GP2: variants seen among roughly 807,000 people sequenced by gnomAD.
The protein encoded by GP2 is pancreatic secretory granule membrane major glycoprotein GP2.
A neutral mutation model predicts 60.8 loss-of-function variants in GP2; 58 were observed. That is an observed-to-expected ratio of 0.95 (90% CI 0.77 to 1.19). GP2 has a LOEUF of 1.19. GP2 is among the 50% of genes most tolerant of loss of function. GP2 has a pLI of 0.00. For synonymous variants in GP2, 280 were observed against 253.4 expected, an observed-to-expected ratio of 1.10 and a Z score of -1.00; for missense variants, 647 against 667.4, an observed-to-expected ratio of 0.97 and a Z score of 0.34.
At chr16:20,316,871 C>A (rs575586115) in intron 8 of GP2, among the ~76,000 whole-genome samples, 2 of 151,244 alleles carry the variant, frequency 1.3e-5, no homozygotes, top group African/African-American at 4.9e-5. Flanking sequence ...CTCCATCACT[C>A]CTGTATTCCT....
intron 1 of GP2, 95 bp from the exon 2 acceptor site, chr16:20,326,562 T>C (rs4632135): frequency 0.041 from 41,840 of 1,008,664 alleles, 2,752 homozygotes; most frequent in African/African-American, 0.26. Flanking sequence ...CTGCATTGTT[T>C]CAAAGTAGGT....
Position 20,315,968 on chromosome 16 carries a change from T to C in GP2, c.1489A>G (p.Ile497Val), listed in dbSNP as rs1282796153. The C allele has an allele frequency of 6.8e-6, 11 of 1,610,400 alleles. No homozygotes were observed. The highest frequency in any genetic ancestry group is 1.7e-5 in the Admixed American group (1 of 59,996). The change falls in exon 9 of 11, where the codon ATC becomes GTC. Residue 497 changes from isoleucine to valine, a missense_variant. By Grantham distance (29) the Ile-to-Val change is conservative. Transcript: ENST00000302555. ...TTTGGCCACTTACCTCTCCGAGTGA[T>C]GGGCCCCAAATCTAGAACCCGGGCT... is the stretch of plus-strand genomic sequence containing the variant. ...DLARVLDLGPITRRGAQSPGV... is the reference protein window; with the variant it reads ...DLARVLDLGPVTRRGAQSPGV...
intron 5 of GP2, among the ~76,000 whole-genome samples, 194 bp from the exon 6 acceptor site, chr16:20,319,962 C>G (rs1964301730): frequency 2.0e-5 from 3 of 152,004 alleles, no homozygotes; most frequent in Admixed American, 2.0e-4. Context: ...GGAAACCAGG[C>G]AAAAAACTAG....
intron 9 of GP2, 69 bp from the exon 10 acceptor site, chr16:20,314,770 A>C: frequency 9.5e-7 from 1 of 1,054,548 alleles, no homozygotes; most frequent in Non-Finnish European, 1.5e-6. Context: ...TGTGGCCATA[A>C]CTGCTTCACA....
Position 20,322,912 on chromosome 16 carries a change from G to A in GP2, c.603C>T (p.Asn201=). 6.2e-7 allele frequency: 1 copy of A among 1,612,718 alleles called. No homozygotes were observed. Among genetic ancestry groups the A allele is most frequent in the Non-Finnish European group, 8.5e-7 (1 of 1,178,746 alleles). ...CRPEEECLAL[N]STWGCFCRQD... ...GTCTGCAGAAACAGCCCCAGGTGCT[G>A]TTGAGGGCAAGGCACTCCTCCTCGG... Residue 201 remains asparagine, a synonymous_variant, in exon 4 of 11, where the codon AAC becomes AAT. Transcript: ENST00000302555.
In GP2 at chr16:20,314,663, T is replaced by C. The variant is rs1964102556; in HGVS notation, c.1540A>G (p.Thr514Ala). The change falls in exon 10 of 11, where the codon ACT becomes GCT. Residue 514 changes from threonine to alanine, a missense_variant. Coordinates refer to ENST00000302555, the MANE Select transcript of GP2 (RefSeq NM_001502.4). Reference protein sequence around the residue: ...SPGVMNGTPSTAGFLVAWPMV... With the variant: ...SPGVMNGTPSAAGFLVAWPMV... ...GCATGAGAAAATGATGTACCTGCAG[T>C]GCTAGGGGTTCCATTCATGACACCG... The C allele has an allele frequency of 1.3e-6, 2 of 1,596,754 alleles. No homozygotes were observed. The highest frequency in any genetic ancestry group is 1.7e-6 in the Non-Finnish European group (2 of 1,164,242).
At chr16:20,326,090 T>C (rs1444982836) in intron 2 of GP2, among the ~76,000 whole-genome samples, 1 of 152,248 alleles carries the variant, frequency 6.6e-6, no homozygotes, top group Non-Finnish European at 1.5e-5. Context: ...CTCCCAAAGA[T>C]ATGGGCATGG....
At chr16:20,317,445 G>A in intron 7 of GP2, 70 bp from the exon 8 acceptor site, 1 of 1,205,152 alleles carries the variant, frequency 8.3e-7, no homozygotes, top group African/African-American at 1.5e-5. Context: ...GAGTCCCTCG[G>A]GTTCCCTCCA....
chr16:20,318,330 C>T lies in GP2; in HGVS notation c.1108G>A (p.Glu370Lys). Residue 370 changes from glutamate (E) to lysine (K), a missense_variant, in exon 7 of 11, where the codon GAA becomes AAA. Physicochemically the swap from Glu to Lys is moderately conservative, Grantham distance 56 (BLOSUM62 1). Coordinates refer to ENST00000302555, the MANE Select transcript of GP2 (RefSeq NM_001502.4). Reference sequence around the variant, plus strand: ...TACAGCACGGACTCAACAGACAGTTCAACTGCATCCCCTTCGTAAGGATTC... The same window carrying T: ...TACAGCACGGACTCAACAGACAGTTTAACTGCATCCCCTTCGTAAGGATTC... Reference protein sequence around the residue: ...YTNPYEGDAVELSVESVLYVG... With the variant: ...YTNPYEGDAVKLSVESVLYVG... 3 of 1,613,810 alleles carry T rather than the reference C, an allele frequency of 1.9e-6. No homozygotes were observed. Among genetic ancestry groups the T allele is most frequent in the South Asian group, 2.2e-5 (2 of 91,082 alleles).
chr16:20,322,078 C>CA (rs1412546991), intron 4 of GP2, among the ~76,000 whole-genome samples: 2 of 152,198 alleles, frequency 1.3e-5, no homozygotes, highest in African/African-American at 4.8e-5. Flanking sequence ...TTCTGCTGGG[C>CA]ACATCTAAGC....
chr16:20,320,589 G>A (rs1236402517), intron 4 of GP2, 116 bp from the exon 5 acceptor site: 2 of 723,516 alleles, frequency 2.8e-6, no homozygotes, highest in African/African-American at 1.8e-5. Flanking sequence ...AGGTCCCTGG[G>A]ATCCAGATGG....
At chr16:20,317,760 T>C (rs753582252) in intron 7 of GP2, among the ~76,000 whole-genome samples, 32 of 152,310 alleles carry the variant, frequency 2.1e-4, no homozygotes, top group Middle Eastern at 6.8e-3. Flanking sequence ...ATGACAAATA[T>C]TAGCTAGGAT....
At chr16:20,321,705 A>T (rs1964361242) in intron 4 of GP2, among the ~76,000 whole-genome samples, 1 of 152,198 alleles carries the variant, frequency 6.6e-6, no homozygotes, top group Non-Finnish European at 1.5e-5. Flanking sequence ...GTGGAATTTC[A>T]GAGTTCAGAG....
In GP2 at chr16:20,317,316, C is replaced by T; in HGVS notation, c.1313G>A (p.Ser438Asn). The T allele has an allele frequency of 6.2e-7, 1 of 1,613,774 alleles. No homozygotes were observed. Among genetic ancestry groups the T allele is most frequent in the Non-Finnish European group, 8.5e-7 (1 of 1,179,664 alleles). ...CATGAACATCTGAACTGAGAACCGG[C>T]TTTCCGAGGACTGCCCATTCTCCTC... Reference protein sequence around the residue: ...HVEENGQSSESRFSVQMFMFA... With the variant: ...HVEENGQSSENRFSVQMFMFA... The change falls in exon 8 of 11, where the codon AGC (serine) becomes AAC (asparagine). Residue 438 changes from serine (S) to asparagine (N), a missense_variant. Transcript: ENST00000302555.
intron 4 of GP2, among the ~76,000 whole-genome samples, chr16:20,322,563 A>G (rs2141607097): frequency 6.6e-6 from 1 of 152,244 alleles, no homozygotes; most frequent in African/African-American, 2.4e-5. Context: ...CTATGAAAAC[A>G]TAGCTCCTAC....
In GP2 at chr16:20,311,102, C is replaced by G; in HGVS notation, c.*121G>C. On this transcript the variant is annotated 3_prime_UTR_variant, in exon 11 of 11. Coordinates refer to ENST00000302555, the MANE Select transcript of GP2 (RefSeq NM_001502.4). ...AAGCTCTTCCCTTTTCCTAACCTAG[C>G]TTGGCCTTGATTCTATTAATACCAA... is the stretch of plus-strand genomic sequence containing the variant. 1.5e-6 allele frequency: 1 copy of G among 681,684 alleles called. No individual in the cohort carries two copies. Among genetic ancestry groups the G allele is most frequent in the Non-Finnish European group, 2.7e-6 (1 of 374,138 alleles). The allele number at this position is 681,684 out of a possible 1,614,324, so 42.2% of individuals were successfully genotyped here.
intron 5 of GP2, 28 bp from the exon 6 acceptor site, chr16:20,319,796 A>G: frequency 6.3e-7 from 1 of 1,587,642 alleles, no homozygotes; most frequent in Middle Eastern, 1.7e-4. Flanking sequence ...AACCATACAG[A>G]TGTTTATGTG....
rs1964534985 is a variant in GP2 at position 20,326,374 on chromosome 16, A to G, written c.58T>C (p.Ser20Pro). The G allele has an allele frequency of 6.2e-7, 1 of 1,613,818 alleles. No individual in the cohort carries two copies. Among genetic ancestry groups the G allele is most frequent in the East Asian group, 2.2e-5 (1 of 44,874 alleles). Residue 20 changes from serine to proline, a missense_variant, in exon 2 of 11, where the codon TCC becomes CCC. Coordinates refer to ENST00000302555, the MANE Select transcript of GP2 (RefSeq NM_001502.4). ...GCAGATGCCTGGGTCAGAATGCAGG[A>G]GACCAAGGCCAGCCACAGGAGGCCA... ...GSGLLWLALV[S>P]CILTQASAVQ...
rs1219309732 is a variant in GP2, at chr16:20,317,394, C to A, written c.1254-19G>T. On this transcript the variant is annotated intron_variant, in intron 7 of 10. Coordinates refer to ENST00000302555, the MANE Select transcript of GP2 (RefSeq NM_001502.4). ...TGAGCAGCTGGGAGGGTGACAGGGGCAAAGGTGTAACTTCTAAAAACAGCA... is the reference window on the plus strand; with the variant it reads ...TGAGCAGCTGGGAGGGTGACAGGGGAAAAGGTGTAACTTCTAAAAACAGCA... 2.5e-6 allele frequency: 4 copies of A among 1,606,724 alleles called. No individual in the cohort carries two copies. Among genetic ancestry groups the A allele is most frequent in the Admixed American group, 3.3e-5 (2 of 59,790 alleles).
Sources: gnomAD v4.1 joint callset for allele counts (sites outside exome capture counted in the v4.1 genomes callset) on GRCh38, gnomAD v4.1.1 for gene constraint, MANE v1.5 for transcripts, NCBI Gene and HGNC (gene_info 2026-07-23, HGNC 2026-07-21) for gene names.